COL4A1: variants seen among roughly 807,000 people sequenced by gnomAD.
COL4A1 encodes the protein collagen alpha-1(IV) chain.
Under a neutral mutation model 216.6 loss-of-function variants are expected in COL4A1, and 40 were observed. The observed-to-expected ratio is 0.18, with a 90% confidence interval of 0.14 to 0.24. COL4A1 has a LOEUF of 0.24. Ranked by LOEUF, COL4A1 falls within the 10% of genes least tolerant of loss-of-function variation. The probability of loss-of-function intolerance (pLI) is 1.00; values close to 1 mark genes in which losing one functional copy is unlikely to be tolerated. For synonymous variants in COL4A1, 839 were observed against 810.7 expected (o/e 1.03, Z -0.59); for missense variants, 1,628 against 2,196.8 (o/e 0.74, Z 5.18).
intron 24 of COL4A1, among the ~76,000 whole-genome samples, chr13:110,188,256 T>C (rs1214817062): frequency 6.6e-6 from 1 of 152,222 alleles, no homozygotes; most frequent in African/African-American, 2.4e-5. Context: ...TTAATGTGAA[T>C]TTTTTTTCAT....
intron 2 of COL4A1, among the ~76,000 whole-genome samples, chr13:110,236,713 A>G (rs1881332438): frequency 6.6e-6 from 1 of 152,222 alleles, no homozygotes. Flanking sequence ...TCCGAAAGGC[A>G]GGGGCTGTGG....
chr13:110,265,115 T>G (rs995877163), intron 1 of COL4A1: 1 of 152,246 alleles, frequency 6.6e-6, no homozygotes, highest in Non-Finnish European at 1.5e-5. Context: ...CCATTCTCCC[T>G]TAGGCTCCAA....
chr13:110,214,186 A>T (rs1218283808), intron 2 of COL4A1, among the ~76,000 whole-genome samples, 171 bp from the exon 3 acceptor site: 1 of 152,078 alleles, frequency 6.6e-6, no homozygotes, highest in Non-Finnish European at 1.5e-5. Flanking sequence ...CCACTGCCTG[A>T]GTCAAGGGAT....
intron 41 of COL4A1, among the ~76,000 whole-genome samples, chr13:110,171,355 T>C (rs1242271554): frequency 6.6e-6 from 1 of 151,952 alleles, no homozygotes; most frequent in East Asian, 1.9e-4. Flanking sequence ...GAGGAGACTT[T>C]TGGGGGAAGG....
rs7994504 is a variant in COL4A1 at position 110,274,641 on chromosome 13, G to A, written c.85-31907C>T. On this transcript the variant is annotated intron_variant, in intron 1 of 51. Coordinates refer to ENST00000375820, the MANE Select transcript of COL4A1 (RefSeq NM_001845.6). ...TGGAGCTCTCTCCAACCTCGTCACC[G>A]TTGTTAGACAGAAATGCAATGGGAG... Among the ~76,000 whole-genome samples the A allele has an allele frequency of 4.8e-3, 725 of 152,266 alleles. 9 individuals carry two copies. Among genetic ancestry groups the A allele is most frequent in the African/African-American group, 0.017 (705 of 41,546 alleles).
At chr13:110,246,789 T>G (rs749602330) in intron 1 of COL4A1, among the ~76,000 whole-genome samples, 3 of 152,190 alleles carry the variant, frequency 2.0e-5, no homozygotes, top group Non-Finnish European at 4.4e-5. Flanking sequence ...CTCATCCTCT[T>G]CCTGGTTTTC....
At chr13:110,265,414 T>TA (rs1296314573) in intron 1 of COL4A1, 2 of 152,246 alleles carry the variant, frequency 1.3e-5, no homozygotes, top group Non-Finnish European at 2.9e-5. Flanking sequence ...TGAGGCACCC[T>TA]AAACTACAGC....
At chr13:110,203,503 C>G in intron 18 of COL4A1, 63 bp downstream of exon 18, 1 of 1,591,344 alleles carries the variant, frequency 6.3e-7, no homozygotes, top group Non-Finnish European at 8.6e-7. Flanking sequence ...CTCTCACAGA[C>G]CCAGGGTCCT....
rs189453117 is a variant in COL4A1 at position 110,278,879 on chromosome 13, G to A, written c.84+28065C>T. On this transcript the variant is annotated intron_variant, in intron 1 of 51. Coordinates refer to ENST00000375820, the MANE Select transcript of COL4A1 (RefSeq NM_001845.6). ...CCTTAGATGTTTCAGCAGCTCAGAG[G>A]CGTCCCACACCTCCTTTTCATTTTT... 4.6e-5 allele frequency among the ~76,000 whole-genome samples: 7 copies of A among 152,236 alleles called. No individual in the cohort carries two copies. In the East Asian group the frequency reaches 5.8e-4, roughly 13 times the overall value.
At position 110,222,771 on chromosome 13, in the gene COL4A1, T is replaced by TAAAAAAAAAAAAAAAAA. The variant is rs751501177; in HGVS notation, c.145-8757_145-8756insTTTTTTTTTTTTTTTTT. On this transcript the variant is annotated intron_variant, in intron 2 of 51. Coordinates refer to ENST00000375820, the MANE Select transcript of COL4A1 (RefSeq NM_001845.6). ...CTGGGCGACAGAGCCAGACTCTGCT[T>TAAAAAAAAAAAAAAAAA]TAAAAAAAAAAAAAAAAAAAAAAAA... 4.6e-4 allele frequency among the ~76,000 whole-genome samples: 43 copies of TAAAAAAAAAAAAAAAAA among 93,406 alleles called. 5 individuals are homozygous for TAAAAAAAAAAAAAAAAA. The highest frequency in any genetic ancestry group is 1.3e-3 in the South Asian group (3 of 2,394). 61.3% of individuals were successfully genotyped at this position (93,406 alleles called of 152,430 possible). A position where few individuals can be genotyped will look rare whatever the true frequency, so the allele number is the denominator to read the frequency against.
At chr13:110,187,837 A>G (rs1290423157) in intron 24 of COL4A1, among the ~76,000 whole-genome samples, 1 of 152,144 alleles carries the variant, frequency 6.6e-6, no homozygotes, top group African/African-American at 2.4e-5. Context: ...ACCCGTCAGC[A>G]CCTCCTGGCC....
chr13:110,151,392 T>C lies in COL4A1; in HGVS notation c.4928+942A>G, dbSNP rs74663735. 9.9e-3 allele frequency among the ~76,000 whole-genome samples: 1,505 copies of C among 152,232 alleles called. 14 individuals carry two copies. Among genetic ancestry groups the C allele is most frequent in the South Asian group, 0.025 (123 of 4,834 alleles). ...CATGAACAAAGTGCGCTCATTTTGG[T>C]AGTGAATGGTTAAACTCTATCTGCA... On this transcript the variant is annotated intron_variant, in intron 51 of 51. Transcript: ENST00000375820.
chr13:110,265,828 T>C (rs1173700021), intron 1 of COL4A1: 3 of 152,158 alleles, frequency 2.0e-5, no homozygotes, highest in African/African-American at 7.2e-5. Flanking sequence ...GAAATTCCAC[T>C]CCAGCCAGGG....
chr13:110,193,432 A>C (rs1009703570), intron 22 of COL4A1, among the ~76,000 whole-genome samples: 3 of 152,228 alleles, frequency 2.0e-5, no homozygotes, highest in Non-Finnish European at 2.9e-5. Context: ...TGCAGCCCTG[A>C]AAAAGGAGAG....
Position 110,169,645 on chromosome 13 carries a change from C to G in COL4A1, c.3860G>C (p.Gly1287Ala). 1 of 1,614,074 alleles carries G rather than the reference C, an allele frequency of 6.2e-7. No individual in the cohort carries two copies. ...PGVPGPKGDP[G>A]FQGMPGIGGS... ...ATAACTCACAGGCATGCCCTGGAAT[C>G]CAGGGTCTCCCTTGGGCCCTGGGAC... The change falls in exon 43 of 52, where the codon GGA becomes GCA. Residue 1287 changes from glycine to alanine, a missense_variant. Physicochemically the swap from Gly to Ala is moderately conservative, Grantham distance 60. Around this residue, in one of 8 missense-constraint regions of COL4A1, gnomAD observed 345 missense variants for 476.9 expected, o/e 0.72. Coordinates refer to ENST00000375820, the MANE Select transcript of COL4A1 (RefSeq NM_001845.6).
At chr13:110,165,635 T>C (rs1199590171) in intron 45 of COL4A1, among the ~76,000 whole-genome samples, 1 of 146,594 alleles carries the variant, frequency 6.8e-6, no homozygotes, top group African/African-American at 2.5e-5. Flanking sequence ...TGGGTTCCAC[T>C]TCTCAGGGCA....
At chr13:110,192,084 C>G in intron 24 of COL4A1, 130 bp downstream of exon 24, 2 of 929,526 alleles carry the variant, frequency 2.2e-6, no homozygotes, top group Non-Finnish European at 3.5e-6. Context: ...CCAGAGGGCT[C>G]GACACAGCAA....
chr13:110,278,556 C>CAT (rs1223633215), intron 1 of COL4A1, among the ~76,000 whole-genome samples: 1 of 152,128 alleles, frequency 6.6e-6, no homozygotes, highest in Non-Finnish European at 1.5e-5. Flanking sequence ...TATATATACA[C>CAT]ATATATACAC....
At chr13:110,304,496 G>T (rs1472436471) in intron 1 of COL4A1, among the ~76,000 whole-genome samples, 1 of 152,178 alleles carries the variant, frequency 6.6e-6, no homozygotes, top group Non-Finnish European at 1.5e-5. Context: ...CTGCAGGAAG[G>T]GTTCATTCCG....
Sources: gnomAD v4.1 joint callset for allele counts (sites outside exome capture counted in the v4.1 genomes callset) on GRCh38, gnomAD v4.1.1 for gene constraint, gnomAD v4.1.1 regional missense constraint, MANE v1.5 for transcripts, NCBI Gene and HGNC (gene_info 2026-07-23, HGNC 2026-07-21) for gene names.